The following ANO7 variants were observed in gnomAD, a reference collection of about 807,000 sequenced individuals.
The protein encoded by ANO7 is anoctamin 7.
Under a neutral mutation model 115.8 loss-of-function variants are expected in ANO7, and 114 were observed. The observed-to-expected ratio is 0.98, with a 90% CI of 0.85 to 1.15. ANO7 has a LOEUF of 1.15. ANO7 is among the 50% of genes most tolerant of loss of function. ANO7 has a pLI of 0.00. For missense variants in ANO7, 1,302 were observed against 1,201.2 expected, an observed-to-expected ratio of 1.08 and a Z score of -1.24; for synonymous variants, 550 against 498.2, an observed-to-expected ratio of 1.10 and a Z score of -1.38.
At chr2:241,207,747 ACT>A (rs1346349363) in intron 11 of ANO7, 77 bp downstream of exon 11, 1 of 1,346,964 alleles carries the variant, frequency 7.4e-7, no homozygotes, top group Non-Finnish European at 1.1e-6. Context: ...CCTGGTCCTG[ACT>A]CTGCCTGCAC....
intron 23 of ANO7, 31 bp from the exon 24 acceptor site, chr2:241,223,872 CCT>C (rs755142630): frequency 6.2e-7 from 1 of 1,614,102 alleles, no homozygotes; most frequent in Non-Finnish European, 8.5e-7. Flanking sequence ...GAGTCACATC[CCT>C]CTTCCTCTTG....
chr2:241,215,988 T>A, intron 18 of ANO7, 105 bp from the exon 19 acceptor site: 1 of 1,416,786 alleles, frequency 7.1e-7, no homozygotes. Flanking sequence ...TGCCCTTCAA[T>A]TGCAAAGCAA....
At chr2:241,214,156 G>A (rs902264509) in intron 17 of ANO7, among the ~76,000 whole-genome samples, 4 of 152,130 alleles carry the variant, frequency 2.6e-5, no homozygotes, top group Admixed American at 1.3e-4. Flanking sequence ...GTGATGGCAC[G>A]CACCTGTAGT....
chr2:241,217,807 G>C lies in ANO7; in HGVS notation c.2094G>C (p.Arg698=). The C allele has an allele frequency of 6.2e-7, 1 of 1,610,510 alleles. No individual in the cohort carries two copies. Among genetic ancestry groups the C allele is most frequent in the Non-Finnish European group, 8.5e-7 (1 of 1,179,138 alleles). Residue 698 remains arginine, a synonymous_variant, in exon 20 of 25, where the codon CGG becomes CGC. Coordinates refer to ENST00000674324, the MANE Select transcript of ANO7 (RefSeq NM_001370694.2). ...LDARKFVCEY[R]RPVAERAQDI... ...CGCGCAAGTTCGTCTGCGAGTACCG[G>C]CGCCCGGTGGCCGAGCGCGCCCAGG... is the stretch of plus-strand genomic sequence containing the variant.
intron 5 of ANO7, 97 bp downstream of exon 5, chr2:241,199,520 G>C: frequency 3.2e-6 from 4 of 1,245,876 alleles, no homozygotes; most frequent in South Asian, 2.5e-5. Context: ...AGGGCTCCCT[G>C]CTCAGAGGCC....
chr2:241,235,756 A>C, the ANO7 span: 4 of 583,894 alleles, frequency 6.9e-6, no homozygotes, highest in Non-Finnish European at 1.2e-5. Flanking sequence ...AATAGAAAAG[A>C]ATAGGAAAAG....
chr2:241,214,773 T>G (rs778959702), intron 17 of ANO7, 32 bp from the exon 18 acceptor site: 1 of 1,595,114 alleles, frequency 6.3e-7, no homozygotes, highest in Non-Finnish European at 8.5e-7. Flanking sequence ...CTGGTCCCCC[T>G]CTCCCAGCTA....
In ANO7 at chr2:241,210,490, C is replaced by A. The variant is rs762345647; in HGVS notation, c.1481C>A (p.Thr494Lys). Residue 494 changes from threonine to lysine, a missense_variant, in exon 15 of 25, where the codon ACG becomes AAG. Thr to Lys is a moderately conservative substitution (Grantham distance 78, BLOSUM62 -1). Transcript: ENST00000674324. ...AAWASRIASL[T>K]GSVVNLVFIL... The stretch of plus-strand genomic sequence containing the variant: ...TAGGCCTCTCGCATCGCCAGCCTCA[C>A]GGGGTCTGTAGTGAACCTCGTCTTC... The A allele has an allele frequency of 2.5e-6, 4 of 1,613,966 alleles. 1 individual carries two copies. The highest frequency in any genetic ancestry group is 1.3e-5 in the African/African-American group (1 of 74,946).
In ANO7 at chr2:241,203,512, G is replaced by A. The variant is rs757940063; in HGVS notation, c.889+14G>A. On this transcript the variant is annotated intron_variant, in intron 9 of 24. Transcript: ENST00000674324. This position sits in a 1 kb window ranked among gnomAD's most constrained non-coding sequence, Gnocchi z 4.8. ...TCGCCTGGCTCGGTGAGTCCCCCCC[G>A]CTGCCCCCCAGACCACCTGGGCCCC... 2.5e-4 allele frequency: 361 copies of A among 1,452,328 alleles called. No individual in the cohort carries two copies. The highest frequency in any genetic ancestry group is 3.0e-4 in the Non-Finnish European group (327 of 1,098,592). 90.0% of individuals were successfully genotyped at this position (1,452,328 alleles called of 1,614,324 possible). A position where few individuals can be genotyped will look rare whatever the true frequency, so the allele number is the denominator to read the frequency against.
At chr2:241,199,765 C>T (rs552033515) in intron 5 of ANO7, among the ~76,000 whole-genome samples, 16 of 152,318 alleles carry the variant, frequency 1.1e-4, no homozygotes, top group African/African-American at 3.8e-4. Flanking sequence ...GGAAGATGGG[C>T]CTGGACGTGG....
At chr2:241,205,752 G>T (rs2068578483) in intron 10 of ANO7, among the ~76,000 whole-genome samples, 1 of 85,672 alleles carries the variant, frequency 1.2e-5, no homozygotes, top group Non-Finnish European at 2.4e-5. Flanking sequence ...AGGCTGACAG[G>T]TGGACAGGAG....
chr2:241,222,105 G>A (rs1157121544), intron 21 of ANO7, among the ~76,000 whole-genome samples: 2 of 151,928 alleles, frequency 1.3e-5, no homozygotes, highest in South Asian at 2.1e-4. Flanking sequence ...ATTGTGGCAC[G>A]GGCCTGTAGT....
chr2:241,217,578 G>C (rs1318701725), intron 19 of ANO7, 108 bp from the exon 20 acceptor site: 6 of 1,279,150 alleles, frequency 4.7e-6, no homozygotes, highest in Non-Finnish European at 6.5e-6. Flanking sequence ...AATGAGCCGC[G>C]ATGGGGTGGC....
chr2:241,232,899 G>T, the ANO7 span, among the ~76,000 whole-genome samples: 1 of 152,116 alleles, frequency 6.6e-6, no homozygotes, highest in African/African-American at 2.4e-5. Flanking sequence ...GGAGCTGGAG[G>T]AGGCAGGGTG....
At position 241,216,995 on chromosome 2, in the gene ANO7, G is replaced by A. The variant is rs1038723832; in HGVS notation, c.1973-691G>A. 2.0e-5 allele frequency among the ~76,000 whole-genome samples: 3 copies of A among 152,042 alleles called. No homozygotes were observed. In the East Asian group the frequency reaches 5.8e-4, roughly 29 times the overall value. On this transcript the variant is annotated intron_variant, in intron 19 of 24. Coordinates refer to ENST00000674324, the MANE Select transcript of ANO7 (RefSeq NM_001370694.2). ...ATTACAGGCGCCCACCACCACGCCC[G>A]GCTAATTTTGTATTTTTAGTAGAGG...
At chr2:241,226,429 A>AC (rs1553632283), downstream of ANO7, among the ~76,000 whole-genome samples, 4 of 143,314 alleles carry the variant, frequency 2.8e-5, no homozygotes, top group Non-Finnish European at 6.1e-5. Context: ...CATGTTCGGC[A>AC]TTTTTTTTTT....
intron 8 of ANO7, 49 bp downstream of exon 8, chr2:241,202,353 C>A: frequency 6.4e-7 from 1 of 1,563,546 alleles, no homozygotes; most frequent in Non-Finnish European, 8.7e-7. Flanking sequence ...AGATGAGTCC[C>A]CTTGGGTCCT....
At position 241,212,617 on chromosome 2, in the gene ANO7, C is replaced by A. The variant is rs773213798; in HGVS notation, c.1719C>A (p.Arg573=). ...PGNYHTLFGV[R]NEECAAGGCL... is the part of the protein sequence containing the mutation. ...ACTACCACACCTTGTTTGGAGTCCG[C>A]AATGAGGAGGTGAGTGTGCCTGAGG... Residue 573 remains arginine (R), a synonymous_variant, in exon 17 of 25, where the codon CGC becomes CGA. Transcript: ENST00000674324. 26 of 1,612,774 alleles carry A rather than the reference C, an allele frequency of 1.6e-5. 1 individual carries two copies. The South Asian group carries it at 2.8e-4, about 17-fold the overall frequency.
chr2:241,228,474 T>C (rs1377753507), downstream of ANO7: 1 of 152,394 alleles, frequency 6.6e-6, no homozygotes. Context: ...CACAGCCGGA[T>C]GGCCTGTGGG....
Sources: allele counts gnomAD v4.1 joint callset (sites outside exome capture counted in the v4.1 genomes callset), GRCh38; gene constraint gnomAD v4.1.1; non-coding constraint Gnocchi (gnomAD v3.1); transcripts MANE v1.5; gene names NCBI Gene and HGNC (gene_info 2026-07-23, HGNC 2026-07-21).